Variants in F13B observed in about 807,000 individuals in gnomAD.
The protein encoded by F13B is TGase.
F13B carries 58 observed loss-of-function variants against 79.8 expected under a neutral mutation model. The ratio of observed to expected loss-of-function variants is 0.73; its 90% CI spans 0.59 to 0.90. The LOEUF is 0.90. F13B is among the 40% of genes least tolerant of loss of function. The pLI is 0.00. For synonymous variants in F13B, 283 were observed against 260.3 expected, an observed-to-expected ratio of 1.09 and a Z score of -0.84; for missense variants, 773 against 777.0, an observed-to-expected ratio of 0.99 and a Z score of 0.06.
chr1:197,045,975 T>C (rs1042026827), intron 10 of F13B, among the ~76,000 whole-genome samples: 2 of 152,144 alleles, frequency 1.3e-5, no homozygotes, highest in Non-Finnish European at 2.9e-5. Context: ...CCCTTCATGC[T>C]AAAAACTCTC....
At chr1:197,065,696 T>A (rs2298882) in intron 1 of F13B, among the ~76,000 whole-genome samples, 3 of 151,952 alleles carry the variant, frequency 2.0e-5, no homozygotes, top group Non-Finnish European at 4.4e-5. Context: ...GATGACATTC[T>A]TACAGAAAGA....
intron 10 of F13B, among the ~76,000 whole-genome samples, chr1:197,044,662 T>C (rs559360574): frequency 2.0e-5 from 3 of 152,244 alleles, no homozygotes; most frequent in Admixed American, 1.3e-4. Flanking sequence ...GCAGACCTAA[T>C]GGACATCTGC....
chr1:197,048,686 T>C (rs1205977117), intron 10 of F13B, among the ~76,000 whole-genome samples: 4 of 152,104 alleles, frequency 2.6e-5, no homozygotes, highest in African/African-American at 7.2e-5. Context: ...AGTGAGACTT[T>C]AACATGCTTC....
intron 10 of F13B, among the ~76,000 whole-genome samples, chr1:197,046,192 T>G (rs996501451): frequency 6.6e-6 from 1 of 152,038 alleles, no homozygotes; most frequent in African/African-American, 2.4e-5. Context: ...AAGAAATAAA[T>G]GGTATTAAAT....
intron 10 of F13B, 69 bp downstream of exon 10, chr1:197,050,628 A>G (rs1389947432): frequency 7.2e-7 from 1 of 1,383,926 alleles, no homozygotes; most frequent in Non-Finnish European, 1.0e-6. Flanking sequence ...TGTTATGTTA[A>G]CTCAAAAATG....
At position 197,050,840 on chromosome 1, in the gene F13B, T is replaced by C; in HGVS notation, c.1595A>G (p.His532Arg). 4 of 1,613,270 alleles carry C rather than the reference T, an allele frequency of 2.5e-6. No homozygotes were observed. Among genetic ancestry groups the C allele is most frequent in the Non-Finnish European group, 3.4e-6 (4 of 1,179,520 alleles). Residue 532 changes from histidine to arginine, a missense_variant, in exon 10 of 12, where the codon CAT becomes CGT. Transcript: ENST00000367412. ...TACTGTTGAACTAATAATGACTCCA[T>C]GTTTAATAAGAGGAGGAGATGTGCA... The part of the protein sequence containing the change: ...GMCTSPPLIK[H>R]GVIISSTVDT...
At chr1:197,051,462 T>C (rs1190466405) in intron 9 of F13B, among the ~76,000 whole-genome samples, 1 of 152,100 alleles carries the variant, frequency 6.6e-6, no homozygotes, top group East Asian at 1.9e-4. Flanking sequence ...ATAGTCCCTA[T>C]AGCCAGTGAG....
At chr1:197,058,326 A>G (rs2125069328) in intron 5 of F13B, among the ~76,000 whole-genome samples, 1 of 152,262 alleles carries the variant, frequency 6.6e-6, no homozygotes, top group South Asian at 2.1e-4. Flanking sequence ...TACTGACCAC[A>G]CTACTTTCCT....
intron 2 of F13B, 54 bp downstream of exon 2, chr1:197,062,803 T>C (rs1655910713): frequency 6.4e-6 from 10 of 1,562,474 alleles, no homozygotes; most frequent in Non-Finnish European, 8.8e-6. Flanking sequence ...CCTATTTTTA[T>C]ATACAAATTT....
At chr1:197,053,703 T>C (rs1655533587) in intron 8 of F13B, among the ~76,000 whole-genome samples, 1 of 151,816 alleles carries the variant, frequency 6.6e-6, no homozygotes, top group South Asian at 2.1e-4. Flanking sequence ...CAGGAGGGGG[T>C]AACAAAAGAG....
chr1:197,043,678 T>A (rs1329344441), intron 10 of F13B, among the ~76,000 whole-genome samples: 3 of 151,920 alleles, frequency 2.0e-5, no homozygotes, highest in Non-Finnish European at 4.4e-5. Context: ...AAAGAGAGGA[T>A]TGTTAAACTA....
intron 5 of F13B, among the ~76,000 whole-genome samples, chr1:197,057,791 A>C (rs980759388): frequency 6.6e-6 from 1 of 152,200 alleles, no homozygotes; most frequent in Non-Finnish European, 1.5e-5. Context: ...AAGAAACAAG[A>C]GGCTACATCA....
chr1:197,049,811 G>A (rs1010119522), intron 10 of F13B, among the ~76,000 whole-genome samples: 2 of 151,996 alleles, frequency 1.3e-5, no homozygotes, highest in African/African-American at 4.8e-5. Context: ...CATATAATAT[G>A]CATAATTTAT....
At position 197,061,979 on chromosome 1, in the gene F13B, A is replaced by G; in HGVS notation, c.266-10T>C. The G allele has an allele frequency of 6.2e-7, 1 of 1,606,384 alleles. No homozygotes were observed. The highest frequency in any genetic ancestry group is 8.5e-7 in the Non-Finnish European group (1 of 1,174,448). On this transcript the variant is annotated splice_polypyrimidine_tract_variant and intron_variant, in intron 2 of 11. Coordinates refer to ENST00000367412, the MANE Select transcript of F13B (RefSeq NM_001994.3). Reference sequence around the variant, plus strand: ...GGCTTAGTGCATTTTTCTATGGGAAAAAAAATTATTTAACTTAATGATGAA... The same window carrying G: ...GGCTTAGTGCATTTTTCTATGGGAAGAAAAATTATTTAACTTAATGATGAA...
chr1:197,042,545 G>A (rs947857772), intron 10 of F13B, among the ~76,000 whole-genome samples: 36 of 151,198 alleles, frequency 2.4e-4, no homozygotes, highest in African/African-American at 8.5e-4. Flanking sequence ...GAGGCTGGGC[G>A]TGGTGACTCA....
At position 197,062,973 on chromosome 1, in the gene F13B, C is replaced by A. The variant is rs1274967585; in HGVS notation, c.149G>T (p.Ser50Ile). The change falls in exon 2 of 12, where the codon AGC becomes ATC. Residue 50 changes from serine to isoleucine, a missense_variant. Coordinates refer to ENST00000367412, the MANE Select transcript of F13B (RefSeq NM_001994.3). Reference protein sequence around the residue: ...YTFKSFYFPMSIDKKLSFFCL... With the variant: ...YTFKSFYFPMIIDKKLSFFCL... ...GAAAAATGACAATTTTTTGTCTATG[C>A]TCATTGGAAAGTAAAAGCTTTTAAA... The A allele has an allele frequency of 6.2e-7, 1 of 1,613,688 alleles. No individual in the cohort carries two copies. Among genetic ancestry groups the A allele is most frequent in the Non-Finnish European group, 8.5e-7 (1 of 1,179,758 alleles).
chr1:197,045,128 G>T (rs17514753), intron 10 of F13B, among the ~76,000 whole-genome samples: 17 of 152,176 alleles, frequency 1.1e-4, no homozygotes, highest in Admixed American at 3.9e-4. Context: ...ACATTCAAAC[G>T]CTAGCAGAAG....
intron 10 of F13B, among the ~76,000 whole-genome samples, chr1:197,048,779 A>G (rs373194326): frequency 3.1e-4 from 47 of 151,966 alleles, no homozygotes; most frequent in South Asian, 2.1e-4. Flanking sequence ...AACTCAATCC[A>G]ATTCACATAT....
At position 197,040,620 on chromosome 1, in the gene F13B, T is replaced by A; in HGVS notation, c.1854A>T (p.Gly618=). The stretch of plus-strand genomic sequence containing the variant: ...TATATAATTCAGCTGGATAAGTATC[T>A]CCTCTACAAATAAACTCAATATATT... ...HGEYIEFICR[G]DTYPAELYIT... Residue 618 remains glycine (G), a synonymous_variant, in exon 11 of 12, where the codon GGA becomes GGT. Transcript: ENST00000367412. 6.2e-7 allele frequency: 1 copy of A among 1,612,818 alleles called. No individual in the cohort carries two copies. The highest frequency in any genetic ancestry group is 8.5e-7 in the Non-Finnish European group (1 of 1,179,060).
Sources: allele counts gnomAD v4.1 joint callset (sites outside exome capture counted in the v4.1 genomes callset), GRCh38; gene constraint gnomAD v4.1.1; transcripts MANE v1.5; gene names NCBI Gene and HGNC (gene_info 2026-07-23, HGNC 2026-07-21).